GPRIN2: variants seen among roughly 807,000 people sequenced by gnomAD.
GPRIN2 encodes the protein G protein-regulated inducer of neurite outgrowth 2.
GPRIN2 carries 1 observed loss-of-function variant against 0.3 expected under a neutral mutation model. The observed-to-expected ratio is 3.90, with a 90% confidence interval of 1.39 to 18.51. GPRIN2 has a LOEUF of 18.51. Ranked by LOEUF, GPRIN2 falls within the 30% of genes most tolerant of loss-of-function variation. The pLI, the probability that GPRIN2 is intolerant of heterozygous loss-of-function variation, is 0.11. For missense variants in GPRIN2, 880 were observed against 604.2 expected (o/e 1.46, Z -4.79); for synonymous variants, 361 against 258.6 (o/e 1.40, Z -3.80).
chr10:46,550,753 G>C lies in GPRIN2; in HGVS notation c.-6-11C>G, dbSNP rs1832254504. 4.7e-6 allele frequency: 7 copies of C among 1,497,860 alleles called. No individual in the cohort carries two copies. Among genetic ancestry groups the C allele is most frequent in the East Asian group, 4.7e-5 (2 of 42,746 alleles). The allele number at this position is 1,497,860 out of a possible 1,614,324, so 92.8% of individuals were successfully genotyped here. A position where few individuals can be genotyped will look rare whatever the true frequency, so the allele number is the denominator to read the frequency against. ...GGAGCTCATGGCTGCCTGCAGAAGA[G>C]AGAAAGGGAGGGAGTGGAGTTGAGT... On this transcript the variant is annotated splice_polypyrimidine_tract_variant and intron_variant, in intron 2 of 2. Coordinates refer to ENST00000374314, the MANE Select transcript of GPRIN2 (RefSeq NM_001385282.1).
Position 46,548,233 on chromosome 10 carries a change from A to G in GPRIN2, c.*1127T>C, listed in dbSNP as rs1842344996. 9.2e-6 allele frequency among the ~76,000 whole-genome samples: 1 copy of G among 108,410 alleles called. No homozygotes were observed. The highest frequency in any genetic ancestry group is 1.1e-4 in the Admixed American group (1 of 9,478). The allele number at this position is 108,410 out of a possible 152,430, so 71.1% of individuals were successfully genotyped here. A position where few individuals can be genotyped will look rare whatever the true frequency, so the allele number is the denominator to read the frequency against. On this transcript the variant is annotated 3_prime_UTR_variant, in exon 3 of 3. Transcript: ENST00000374314. ...CGAGAAATCTTTGGGCAATGAAGTC[A>G]GACTGTGCCAAAGCCCATGTTTCTG... is the stretch of plus-strand genomic sequence containing the variant.
At chr10:46,551,303 G>T (rs1565205249) in intron 2 of GPRIN2, 1 of 761,828 alleles carries the variant, frequency 1.3e-6, no homozygotes, top group Non-Finnish European at 1.6e-6. Flanking sequence ...CACAGGACGA[G>T]GGAGCAATGA....
At chr10:46,557,048 C>CCG (rs1213493881), upstream of GPRIN2, among the ~76,000 whole-genome samples, 257 of 148,922 alleles carry the variant, frequency 1.7e-3, no homozygotes, top group African/African-American at 5.8e-3. Flanking sequence ...TCCAGTTCCC[C>CCG]CTCCGCACCA....
rs1408495239 is a variant in GPRIN2, at chr10:46,545,685, A to G, written c.*3675T>C. On this transcript the variant is annotated 3_prime_UTR_variant, in exon 3 of 3. Coordinates refer to ENST00000374314, the MANE Select transcript of GPRIN2 (RefSeq NM_001385282.1). ...TTAAGGAAGTGGGATGTGGGCTGTG[A>G]TCACAGCCAAGCTGGCAGGGTAAGA... 1.3e-5 allele frequency among the ~76,000 whole-genome samples: 2 copies of G among 152,312 alleles called. No homozygotes were observed. Among genetic ancestry groups the G allele is most frequent in the African/African-American group, 4.8e-5 (2 of 41,488 alleles).
intron 2 of GPRIN2, among the ~76,000 whole-genome samples, chr10:46,553,247 G>C: frequency 6.6e-6 from 1 of 152,310 alleles, no homozygotes; most frequent in Non-Finnish European, 1.5e-5. Flanking sequence ...GATCTGGCCT[G>C]GCCCTGCCAA....
intron 2 of GPRIN2, among the ~76,000 whole-genome samples, chr10:46,553,496 C>T (rs1285768799): frequency 3.9e-5 from 6 of 152,296 alleles, no homozygotes; most frequent in African/African-American, 1.4e-4. Flanking sequence ...CCACCACCCT[C>T]CCAGGGAGGG....
rs1274222127 is a variant in GPRIN2 at position 46,548,510 on chromosome 10, C to T, written c.*850G>A. The stretch of plus-strand genomic sequence containing the variant: ...AGGGCAGGTGGCCACCCATTCTCCC[C>T]TTCCTCAGGCCAGCCTCTGACACAA... On this transcript the variant is annotated 3_prime_UTR_variant, in exon 3 of 3. Coordinates refer to ENST00000374314, the MANE Select transcript of GPRIN2 (RefSeq NM_001385282.1). Among the ~76,000 whole-genome samples the T allele has an allele frequency of 2.6e-5, 4 of 152,308 alleles. No individual in the cohort carries two copies. Among genetic ancestry groups the T allele is most frequent in the African/African-American group, 9.6e-5 (4 of 41,488 alleles).
At position 46,550,308 on chromosome 10, in the gene GPRIN2, G is replaced by A. The variant is rs1832413437; in HGVS notation, c.429C>T (p.Cys143=). 1 of 1,613,218 alleles carries A rather than the reference G, an allele frequency of 6.2e-7. No individual in the cohort carries two copies. Among genetic ancestry groups the A allele is most frequent in the Non-Finnish European group, 8.5e-7 (1 of 1,179,942 alleles). Residue 143 remains cysteine, a synonymous_variant, in exon 3 of 3, where the codon TGC becomes TGT. Transcript: ENST00000374314. ...HSGARKASLS[C]SALGSSPVHR... ...GGACAGGGCTGCTGCCAAGGGCTGA[G>A]CAGCTGAGACTGGCCTTCCGAGCAC...
chr10:46,554,950 C>T (rs1431394564), intron 1 of GPRIN2, among the ~76,000 whole-genome samples: 1 of 152,306 alleles, frequency 6.6e-6, no homozygotes, highest in Non-Finnish European at 1.5e-5. Flanking sequence ...TGGTTTTGTT[C>T]GTTCGTTTGT....
Position 46,545,673 on chromosome 10 carries a change from A to C in GPRIN2, c.*3687T>G, listed in dbSNP as rs1444485746. Among the ~76,000 whole-genome samples the C allele has an allele frequency of 1.3e-5, 2 of 152,312 alleles. No homozygotes were observed. The highest frequency in any genetic ancestry group is 2.9e-5 in the Non-Finnish European group (2 of 68,058). ...AACAAGGGACTTTTAAGGAAGTGGG[A>C]TGTGGGCTGTGATCACAGCCAAGCT... On this transcript the variant is annotated 3_prime_UTR_variant, in exon 3 of 3. Transcript: ENST00000374314.
chr10:46,553,796 T>C (rs1842871956), intron 2 of GPRIN2, among the ~76,000 whole-genome samples: 1 of 152,312 alleles, frequency 6.6e-6, no homozygotes, highest in Non-Finnish European at 1.5e-5. Flanking sequence ...TGAAAGTGGC[T>C]AATTCAGAAC....
At chr10:46,554,806 TAC>T (rs1444001679) in intron 1 of GPRIN2, 111 bp from the exon 2 acceptor site, 1 of 154,338 alleles carries the variant, frequency 6.5e-6, no homozygotes, top group African/African-American at 2.4e-5. Flanking sequence ...TGAGTCAACG[TAC>T]AGAGTCCAGC....
rs1462942040 is a variant in GPRIN2 at position 46,547,758 on chromosome 10, C to A, written c.*1602G>T. 6.6e-6 allele frequency among the ~76,000 whole-genome samples: 1 copy of A among 152,308 alleles called. No individual in the cohort carries two copies. Among genetic ancestry groups the A allele is most frequent in the Non-Finnish European group, 1.5e-5 (1 of 68,058 alleles). ...CACTCCCCAGAACGTGAGCTGCCTGCCCTGGCACCATACACAAAGGGACTG... is the reference window on the plus strand; with the variant it reads ...CACTCCCCAGAACGTGAGCTGCCTGACCTGGCACCATACACAAAGGGACTG... On this transcript the variant is annotated 3_prime_UTR_variant, in exon 3 of 3. Coordinates refer to ENST00000374314, the MANE Select transcript of GPRIN2 (RefSeq NM_001385282.1).
Position 46,549,504 on chromosome 10 carries a change from C to A in GPRIN2, c.1233G>T (p.Leu411=). The change falls in exon 3 of 3, where the codon CTG becomes CTT. Residue 411 remains leucine, a synonymous_variant. Coordinates refer to ENST00000374314, the MANE Select transcript of GPRIN2 (RefSeq NM_001385282.1). Reference sequence around the variant, plus strand: ...GCTGCAGCTGCTCAAACTGCATCTCCAGGTGCTTCTGGATGGCCACACCGA... The same window carrying A: ...GCTGCAGCTGCTCAAACTGCATCTCAAGGTGCTTCTGGATGGCCACACCGA... The part of the protein sequence containing the change: ...EVLGVAIQKH[L]EMQFEQLQRA... 6.2e-7 allele frequency: 1 copy of A among 1,612,984 alleles called. No homozygotes were observed. The highest frequency in any genetic ancestry group is 8.5e-7 in the Non-Finnish European group (1 of 1,179,250).
In GPRIN2 at chr10:46,550,344, C is replaced by G. The variant is rs1832401707; in HGVS notation, c.393G>C (p.Arg131=). ...HSDLVRSTQM[R]GHSGARKASL... The stretch of plus-strand genomic sequence containing the variant: ...TGGCCTTCCGAGCACCACTGTGTCC[C>G]CGCATCTGGGTGCTACGGACCAGGT... The change falls in exon 3 of 3, where the codon CGG becomes CGC. Residue 131 remains arginine (R), a synonymous_variant. Transcript: ENST00000374314. 1 of 1,613,062 alleles carries G rather than the reference C, an allele frequency of 6.2e-7. No homozygotes were observed. The highest frequency in any genetic ancestry group is 8.5e-7 in the Non-Finnish European group (1 of 1,179,950).
In GPRIN2 at chr10:46,546,998, A is replaced by G. The variant is rs1287909781; in HGVS notation, c.*2362T>C. The stretch of plus-strand genomic sequence containing the variant: ...AGTGGCACCCAGCCAGCGTGAATGC[A>G]TAAGAATCTGCACGTGACACAGAAG... On this transcript the variant is annotated 3_prime_UTR_variant, in exon 3 of 3. Transcript: ENST00000374314. 6.6e-6 allele frequency among the ~76,000 whole-genome samples: 1 copy of G among 152,310 alleles called. No homozygotes were observed. The highest frequency in any genetic ancestry group is 1.5e-5 in the Non-Finnish European group (1 of 68,056).
chr10:46,552,243 G>A (rs1361839249), intron 2 of GPRIN2, among the ~76,000 whole-genome samples: 2 of 152,300 alleles, frequency 1.3e-5, no homozygotes, highest in Admixed American at 1.3e-4. Context: ...GAGCATATGA[G>A]GGGAGCAGTG....
In GPRIN2 at chr10:46,550,423, T is replaced by A; in HGVS notation, c.314A>T (p.Asp105Val). ...VGNVSTMGGSDLCRLRAPSAA... is the reference protein window; with the variant it reads ...VGNVSTMGGSVLCRLRAPSAA... ...ACTAGGGGCCCGCAGGCGACACAGG[T>A]CACTGCCGCCCATGGTGGACACATT... is the stretch of plus-strand genomic sequence containing the variant. The change falls in exon 3 of 3, where the codon GAC becomes GTC. Residue 105 changes from aspartate (D) to valine (V), a missense_variant. Asp to Val is a radical substitution (Grantham distance 152). Transcript: ENST00000374314. 1 of 1,611,792 alleles carries A rather than the reference T, an allele frequency of 6.2e-7. No individual in the cohort carries two copies. The highest frequency in any genetic ancestry group is 8.5e-7 in the Non-Finnish European group (1 of 1,179,700).
In GPRIN2 at chr10:46,546,775, C is replaced by T. The variant is rs1842197928; in HGVS notation, c.*2585G>A. Among the ~76,000 whole-genome samples, 2 of 152,426 alleles carry T rather than the reference C, an allele frequency of 1.3e-5. No homozygotes were observed. The highest frequency in any genetic ancestry group is 4.1e-4 in the South Asian group (2 of 4,830). ...CTTCAGGTAGACCTGTCAGCAGCAG[C>T]TGTGCAACTGGGCTAGGGAGACAAG... On this transcript the variant is annotated 3_prime_UTR_variant, in exon 3 of 3. Coordinates refer to ENST00000374314, the MANE Select transcript of GPRIN2 (RefSeq NM_001385282.1).
Sources: allele counts gnomAD v4.1 joint callset (sites outside exome capture counted in the v4.1 genomes callset), GRCh38; gene constraint gnomAD v4.1.1; transcripts MANE v1.5; gene names NCBI Gene and HGNC (gene_info 2026-07-23, HGNC 2026-07-21).